The following SGSM1 variants were observed in gnomAD, a reference collection of about 807,000 sequenced individuals.
SGSM1 encodes small G protein signaling modulator 1.
Under a neutral mutation model 133.8 loss-of-function variants are expected in SGSM1, and 73 were observed. The observed-to-expected ratio is 0.55, with a 90% CI of 0.45 to 0.66. The LOEUF (loss-of-function observed/expected upper bound fraction) is 0.66. Ranked by LOEUF, SGSM1 falls within the 30% of genes least tolerant of loss-of-function variation. SGSM1 has a pLI of 0.00. For missense variants in SGSM1, 1,213 were observed against 1,448.1 expected (o/e 0.84, Z 2.64); for synonymous variants, 563 against 573.0 (o/e 0.98, Z 0.25).
rs183169151 is a variant in SGSM1 at position 24,887,003 on chromosome 22, A to C, written c.1770+275A>C. Among the ~76,000 whole-genome samples, 42 of 152,282 alleles carry C rather than the reference A, an allele frequency of 2.8e-4. No homozygotes were observed. The East Asian group carries it at 7.5e-3, about 27-fold the overall frequency. ...TTTTACCCAATTTTTTTCTGATGGTAATATCTTGTAAAACTGTAAGGTAGT... is the reference window on the plus strand; with the variant it reads ...TTTTACCCAATTTTTTTCTGATGGTCATATCTTGTAAAACTGTAAGGTAGT... On this transcript the variant is annotated intron_variant, in intron 16 of 24. Transcript: ENST00000400358.
At chr22:24,855,127 T>C in intron 6 of SGSM1, 64 bp downstream of exon 6, 1 of 1,566,578 alleles carries the variant, frequency 6.4e-7, no homozygotes, top group Non-Finnish European at 8.7e-7. Flanking sequence ...GGGCACCTTC[T>C]CCAGGACTCT....
At chr22:24,847,580 G>C (rs1930217995) in intron 3 of SGSM1, 54 bp from the exon 4 acceptor site, 1 of 1,577,248 alleles carries the variant, frequency 6.3e-7, no homozygotes, top group African/African-American at 1.3e-5. Context: ...GGGACATGCT[G>C]GGTGCTGGAG....
In SGSM1 at chr22:24,899,730, C is replaced by T. The variant is rs572648848; in HGVS notation, c.2610+1171C>T. ...TAGAGATAGGGTTTCACCGGGTTGG[C>T]CAGGATGGTCTCGATCTGCTGACCT... On this transcript the variant is annotated intron_variant, in intron 19 of 24. Transcript: ENST00000400358. 5.7e-4 allele frequency among the ~76,000 whole-genome samples: 87 copies of T among 152,028 alleles called. 1 individual carries two copies. Among genetic ancestry groups the T allele is most frequent in the African/African-American group, 2.1e-3 (87 of 41,516 alleles).
At position 24,920,054 on chromosome 22, in the gene SGSM1, A is replaced by T. The variant is rs751567191; in HGVS notation, c.3193+61A>T. The T allele has an allele frequency of 5.6e-5, 85 of 1,523,394 alleles. No individual in the cohort carries two copies. In the Middle Eastern group the frequency reaches 1.2e-3, roughly 22 times the overall value. 94.4% of individuals were successfully genotyped at this position (1,523,394 alleles called of 1,614,324 possible). ...AGGCTTCTGGAGGCCCCTTTTGGGC[A>T]TCTCAGGAGGAATGAAGATGGGCTG... On this transcript the variant is annotated intron_variant, in intron 24 of 24. Transcript: ENST00000400358.
chr22:24,862,797 G>T (rs1201580709), intron 9 of SGSM1, among the ~76,000 whole-genome samples: 1 of 152,126 alleles, frequency 6.6e-6, no homozygotes, highest in East Asian at 1.9e-4. Flanking sequence ...CACCTTGCTG[G>T]GTGACCTGGG....
chr22:24,857,247 CA>C (rs139694), intron 8 of SGSM1, among the ~76,000 whole-genome samples: 34,215 of 111,896 alleles, frequency 0.31, 4,098 homozygotes, highest in South Asian at 0.43. Context: ...ACTAAAAATA[CA>C]AAAAAAAAAA....
intron 2 of SGSM1, among the ~76,000 whole-genome samples, chr22:24,830,801 C>T (rs1250044745): frequency 6.6e-6 from 1 of 151,166 alleles, no homozygotes; most frequent in African/African-American, 2.4e-5. Flanking sequence ...TTAGGATTAG[C>T]ATTTGCATTT....
intron 2 of SGSM1, among the ~76,000 whole-genome samples, chr22:24,822,387 T>A (rs1461154192): frequency 6.6e-6 from 1 of 152,152 alleles, no homozygotes; most frequent in Non-Finnish European, 1.5e-5. Context: ...CCACCGCGCC[T>A]GGTCTCATCT....
chr22:24,911,471 T>G (rs962786907), intron 21 of SGSM1, among the ~76,000 whole-genome samples: 1 of 151,968 alleles, frequency 6.6e-6, no homozygotes, highest in East Asian at 1.9e-4. Flanking sequence ...ACCTACACTT[T>G]AGACACGGAC....
intron 22 of SGSM1, among the ~76,000 whole-genome samples, chr22:24,915,040 A>G (rs139771): frequency 0.42 from 63,073 of 151,924 alleles, 13,659 homozygotes; most frequent in East Asian, 0.7. Flanking sequence ...CATCATGGCT[A>G]ACACGGTGAA....
chr22:24,847,815 G>A lies in SGSM1; in HGVS notation c.302+19G>A. On this transcript the variant is annotated intron_variant, in intron 4 of 24. Coordinates refer to ENST00000400358, the MANE Select transcript of SGSM1 (RefSeq NM_001098497.3). Reference sequence around the variant, plus strand: ...AGAGCGCGTGAGTGCAAAGCATGGGGCACAGGTGGGAGCAGCTCCCCCAAT... The same window carrying A: ...AGAGCGCGTGAGTGCAAAGCATGGGACACAGGTGGGAGCAGCTCCCCCAAT... The A allele has an allele frequency of 6.2e-7, 1 of 1,611,064 alleles. No homozygotes were observed. The highest frequency in any genetic ancestry group is 8.5e-7 in the Non-Finnish European group (1 of 1,178,050).
At chr22:24,878,144 G>A (rs1477607701) in intron 13 of SGSM1, among the ~76,000 whole-genome samples, 2 of 152,126 alleles carry the variant, frequency 1.3e-5, no homozygotes, top group African/African-American at 4.8e-5. Flanking sequence ...AGAATCACCT[G>A]GGCTAGGTGG....
At chr22:24,912,064 G>T (rs6004357) in intron 21 of SGSM1, among the ~76,000 whole-genome samples, 1 of 75,330 alleles carries the variant, frequency 1.3e-5, no homozygotes, top group African/African-American at 5.4e-5. Flanking sequence ...TAAAAAAAAA[G>T]GAAAAAAAAA....
chr22:24,891,761 G>T (rs956556902), intron 16 of SGSM1, among the ~76,000 whole-genome samples: 2 of 152,202 alleles, frequency 1.3e-5, no homozygotes, highest in Admixed American at 6.5e-5. Context: ...ACCTAAGACG[G>T]GCAGGGGTGA....
intron 12 of SGSM1, among the ~76,000 whole-genome samples, chr22:24,873,874 C>T (rs1931888672): frequency 2.6e-5 from 4 of 151,902 alleles, no homozygotes; most frequent in African/African-American, 9.7e-5. Context: ...AAAGTCAAAT[C>T]CCCTGGGTTA....
Position 24,898,471 on chromosome 22 carries a change from A to C in SGSM1, c.2522A>C (p.Glu841Ala). The C allele has an allele frequency of 6.2e-7, 1 of 1,613,902 alleles. No homozygotes were observed. Among genetic ancestry groups the C allele is most frequent in the South Asian group, 1.1e-5 (1 of 91,070 alleles). ...EDNLSEEPEM[E>A]SLFPALASLA... is the part of the protein sequence containing the mutation. ...AACCTCTCGGAGGAGCCTGAGATGG[A>C]AAGTCTCTTCCCTGCCCTGGCTTCT... The change falls in exon 19 of 25, where the codon GAA (glutamate) becomes GCA (alanine). Residue 841 changes from glutamate (E) to alanine (A), a missense_variant. By Grantham distance (107) the Glu-to-Ala change is moderately radical (BLOSUM62 -1). Coordinates refer to ENST00000400358, the MANE Select transcript of SGSM1 (RefSeq NM_001098497.3).
At chr22:24,909,940 G>A (rs1933556980) in intron 21 of SGSM1, among the ~76,000 whole-genome samples, 1 of 152,166 alleles carries the variant, frequency 6.6e-6, no homozygotes, top group Non-Finnish European at 1.5e-5. Context: ...AGTGGAAACA[G>A]TCCAAATGTC....
intron 2 of SGSM1, among the ~76,000 whole-genome samples, chr22:24,828,480 C>A (rs375046632): frequency 6.6e-6 from 1 of 152,158 alleles, no homozygotes; most frequent in Non-Finnish European, 1.5e-5. Flanking sequence ...CTAAAAAAGA[C>A]ATGCATGCAG....
intron 17 of SGSM1, among the ~76,000 whole-genome samples, chr22:24,894,404 A>G (rs192415449): frequency 3.2e-4 from 49 of 152,262 alleles, no homozygotes; most frequent in Non-Finnish European, 6.2e-4. Context: ...AAAAAAGTTA[A>G]TTTTCTTCAG....
Sources: gnomAD v4.1 joint callset for allele counts (sites outside exome capture counted in the v4.1 genomes callset) on GRCh38, gnomAD v4.1.1 for gene constraint, MANE v1.5 for transcripts, NCBI Gene and HGNC (gene_info 2026-07-23, HGNC 2026-07-21) for gene names.